The following AMD1 variants were observed in gnomAD, a reference collection of about 807,000 sequenced individuals.
The protein encoded by AMD1 is S-adenosylmethionine decarboxylase proenzyme.
A neutral mutation model predicts 40.2 loss-of-function variants in AMD1; 11 were observed. That is an observed-to-expected ratio of 0.27 (90% CI 0.17 to 0.45). AMD1 has a LOEUF of 0.45. AMD1 is among the 20% of genes least tolerant of loss of function. The pLI is 1.00. For missense variants in AMD1, 257 were observed against 410.2 expected (o/e 0.63, Z 3.23); for synonymous variants, 121 against 130.8 (o/e 0.93, Z 0.51).
the AMD1 span, among the ~76,000 whole-genome samples, chr6:110,843,618 TC>T: frequency 6.6e-6 from 1 of 152,190 alleles, no homozygotes; most frequent in African/African-American, 2.4e-5. Context: ...AGACAGGGTC[TC>T]ACTATTACCC....
upstream of AMD1, among the ~76,000 whole-genome samples, chr6:110,874,459 T>A (rs1784985472): frequency 6.7e-6 from 1 of 149,858 alleles, no homozygotes; most frequent in South Asian, 2.1e-4. Context: ...CTGCTAATCA[T>A]TTTTTTTTTC....
chr6:110,890,889 GAT>G (rs1183192977), intron 4 of AMD1: 2 of 152,112 alleles, frequency 1.3e-5, no homozygotes, highest in African/African-American at 4.8e-5. Flanking sequence ...TAAAATATCA[GAT>G]AAAATATTTT....
chr6:110,834,070 A>G, the AMD1 span, among the ~76,000 whole-genome samples: 1 of 152,134 alleles, frequency 6.6e-6, no homozygotes, highest in Non-Finnish European at 1.5e-5. Flanking sequence ...AGCTGGGACC[A>G]CAGGCGCCAG....
intron 1 of AMD1, among the ~76,000 whole-genome samples, chr6:110,880,353 T>C (rs894687550): frequency 6.6e-6 from 1 of 152,234 alleles, no homozygotes; most frequent in Non-Finnish European, 1.5e-5. Context: ...TTTTGATGTA[T>C]AGAAATGTTT....
the AMD1 span, among the ~76,000 whole-genome samples, chr6:110,866,865 G>A: frequency 6.6e-6 from 1 of 151,668 alleles, no homozygotes; most frequent in African/African-American, 2.4e-5. Context: ...CCAGGCTGGA[G>A]TGCAATGGCG....
chr6:110,886,705 C>A (rs1785706346), intron 1 of AMD1, among the ~76,000 whole-genome samples: 1 of 152,178 alleles, frequency 6.6e-6, no homozygotes, highest in Non-Finnish European at 1.5e-5. Flanking sequence ...CCTGGGAGGT[C>A]AAGGCCGAAG....
At chr6:110,885,473 C>T (rs1785630654) in intron 1 of AMD1, among the ~76,000 whole-genome samples, 1 of 152,008 alleles carries the variant, frequency 6.6e-6, no homozygotes, top group South Asian at 2.1e-4. Context: ...CTCTGTTGCC[C>T]AGGCTGGTAT....
chr6:110,885,511 A>T (rs1034706735), intron 1 of AMD1, among the ~76,000 whole-genome samples: 1 of 151,760 alleles, frequency 6.6e-6, no homozygotes, highest in Non-Finnish European at 1.5e-5. Context: ...GCTCACTGCA[A>T]CCTCCACCTT....
the AMD1 span, among the ~76,000 whole-genome samples, chr6:110,868,507 CATT>C: frequency 2.0e-5 from 3 of 152,082 alleles, no homozygotes; most frequent in African/African-American, 4.8e-5. Flanking sequence ...TCCTGGGAAA[CATT>C]ATCACTAAAT....
chr6:110,827,981 CT>C, the AMD1 span, among the ~76,000 whole-genome samples: 1 of 152,018 alleles, frequency 6.6e-6, no homozygotes, highest in Non-Finnish European at 1.5e-5. Flanking sequence ...TATTGAATGT[CT>C]TCAAATGTAT....
At chr6:110,848,519 A>G in the AMD1 span, 1 of 284,358 alleles carries the variant, frequency 3.5e-6, no homozygotes, top group Non-Finnish European at 6.7e-6. Context: ...ACTCCGTGTT[A>G]GCAAAAAACA....
the AMD1 span, among the ~76,000 whole-genome samples, chr6:110,856,048 C>G: frequency 6.6e-6 from 1 of 152,032 alleles, no homozygotes; most frequent in African/African-American, 2.4e-5. Flanking sequence ...CCACTGCACT[C>G]CAGCCTGGGC....
At chr6:110,854,416 A>G in the AMD1 span, among the ~76,000 whole-genome samples, 1 of 152,148 alleles carries the variant, frequency 6.6e-6, no homozygotes, top group Non-Finnish European at 1.5e-5. Flanking sequence ...ACAAATGAGT[A>G]CAAAGGATAA....
the AMD1 span, among the ~76,000 whole-genome samples, chr6:110,832,430 C>T: frequency 6.6e-6 from 1 of 152,114 alleles, no homozygotes; most frequent in African/African-American, 2.4e-5. Context: ...AGATAACAGG[C>T]ATGAGCCACC....
At chr6:110,865,592 A>C in the AMD1 span, among the ~76,000 whole-genome samples, 1 of 151,728 alleles carries the variant, frequency 6.6e-6, no homozygotes, top group Non-Finnish European at 1.5e-5. Context: ...ACAGGGTTTC[A>C]CCATGTTGGC....
chr6:110,814,949 G>C, the AMD1 span: 1 of 1,590,476 alleles, frequency 6.3e-7, no homozygotes, highest in South Asian at 1.1e-5. Context: ...CACCCATCCC[G>C]CCAGGTCGCG....
At chr6:110,849,832 C>A in the AMD1 span, among the ~76,000 whole-genome samples, 1 of 151,978 alleles carries the variant, frequency 6.6e-6, no homozygotes, top group Non-Finnish European at 1.5e-5. Flanking sequence ...CCAGCCTGAG[C>A]AACATGGCAA....
At chr6:110,848,340 G>A in the AMD1 span, among the ~76,000 whole-genome samples, 1 of 151,918 alleles carries the variant, frequency 6.6e-6, no homozygotes, top group African/African-American at 2.4e-5. Context: ...TGGCCAACAT[G>A]GTGAAACACT....
the AMD1 span, chr6:110,815,232 A>G: frequency 1.8e-6 from 2 of 1,120,852 alleles, no homozygotes; most frequent in East Asian, 4.1e-5. Flanking sequence ...CTTCTCCAAC[A>G]GCCGCCTCTC....
Sources: gnomAD v4.1 joint callset for allele counts (sites outside exome capture counted in the v4.1 genomes callset) on GRCh38, gnomAD v4.1.1 for gene constraint, MANE v1.5 for transcripts, NCBI Gene and HGNC (gene_info 2026-07-23, HGNC 2026-07-21) for gene names.